ASTN1: variants seen among roughly 807,000 people sequenced by gnomAD.
ASTN1 encodes astrotactin-1.
Under a neutral mutation model 140.7 loss-of-function variants are expected in ASTN1, and 41 were observed. That is an observed-to-expected ratio of 0.29 (90% CI 0.23 to 0.38). The LOEUF is 0.38. Among genes scored for constraint, ASTN1 ranks in the 10% least tolerant of loss-of-function variants. The pLI is 1.00. For missense variants in ASTN1, 1,479 were observed against 1,678.8 expected (o/e 0.88, Z 2.08); for synonymous variants, 640 against 652.2 (o/e 0.98, Z 0.29).
intron 11 of ASTN1, among the ~76,000 whole-genome samples, chr1:176,956,776 A>T (rs1672423888): frequency 1.3e-5 from 2 of 152,242 alleles, no homozygotes; most frequent in Non-Finnish European, 2.9e-5. Context: ...CAAAGGAGCC[A>T]GCAGCTAAAG....
chr1:176,901,774 T>C (rs551213824), intron 16 of ASTN1, among the ~76,000 whole-genome samples: 1 of 151,854 alleles, frequency 6.6e-6, no homozygotes, highest in East Asian at 1.9e-4. Context: ...CACACCTTTC[T>C]TTGGGATTAA....
chr1:177,124,852 A>G (rs1447592939), intron 1 of ASTN1, among the ~76,000 whole-genome samples: 3 of 152,208 alleles, frequency 2.0e-5, no homozygotes, highest in Non-Finnish European at 4.4e-5. Flanking sequence ...TGCAAAGAGA[A>G]AGCATTTTCA....
chr1:176,908,515 A>G (rs1297380422), intron 16 of ASTN1, among the ~76,000 whole-genome samples: 1 of 152,188 alleles, frequency 6.6e-6, no homozygotes, highest in Admixed American at 6.5e-5. Flanking sequence ...CTCAGCTGGC[A>G]AAGATGTCTT....
Position 176,884,816 on chromosome 1 carries a change from G to C in ASTN1, c.3075-326C>G, listed in dbSNP as rs191872699. ...TTTTGGAGTAGTACCATTTTATATG[G>C]CTGGAAAATATCATAATTTCTAGAT... On this transcript the variant is annotated intron_variant, in intron 18 of 22. Coordinates refer to ENST00000361833, the MANE Select transcript of ASTN1 (RefSeq NM_004319.3). 2.0e-5 allele frequency among the ~76,000 whole-genome samples: 3 copies of C among 152,290 alleles called. No individual in the cohort carries two copies. In the East Asian group the frequency reaches 5.8e-4, roughly 29 times the overall value.
chr1:177,089,662 A>G (rs934825111), intron 1 of ASTN1, among the ~76,000 whole-genome samples: 2 of 151,934 alleles, frequency 1.3e-5, no homozygotes, highest in African/African-American at 4.8e-5. Flanking sequence ...CCCCATTCTA[A>G]GGCCTCCTCC....
chr1:177,164,581 C>T lies in ASTN1; in HGVS notation c.96G>A (p.Glu32=). Residue 32 remains glutamate, a synonymous_variant, in exon 1 of 23, where the codon GAG becomes GAA. Transcript: ENST00000361833. ...TAAGDVDPSK[E]LECKLKSITV... ...TGATGCTTTTGAGCTTGCACTCCAG[C>T]TCCTTGGATGGATCCACGTCGCCGG... 3.1e-6 allele frequency: 5 copies of T among 1,613,876 alleles called. No homozygotes were observed. Among genetic ancestry groups the T allele is most frequent in the Non-Finnish European group, 4.2e-6 (5 of 1,179,906 alleles).
At chr1:176,890,609 G>T (rs1160416082) in intron 17 of ASTN1, among the ~76,000 whole-genome samples, 1 of 152,182 alleles carries the variant, frequency 6.6e-6, no homozygotes, top group South Asian at 2.1e-4. Flanking sequence ...TAAAACAGTG[G>T]AGCAACATGA....
chr1:176,865,891 C>T (rs1668114181), intron 22 of ASTN1, among the ~76,000 whole-genome samples: 1 of 152,276 alleles, frequency 6.6e-6, no homozygotes, highest in African/African-American at 2.4e-5. Flanking sequence ...CAAGGAGACT[C>T]CCATTTTTAA....
chr1:176,947,793 A>G (rs1252458288), intron 12 of ASTN1, among the ~76,000 whole-genome samples: 1 of 151,922 alleles, frequency 6.6e-6, no homozygotes, highest in Non-Finnish European at 1.5e-5. Context: ...CCCACTGTAA[A>G]CTCCTTTGAG....
Position 176,999,092 on chromosome 1 carries a change from G to T in ASTN1, c.1523+15699C>A, listed in dbSNP as rs76511057. ...CTTATCAAATAAAAAACTATTGAGGGTCCTGCCATCAGAACTCCTTTTAAA... is the reference window on the plus strand; with the variant it reads ...CTTATCAAATAAAAAACTATTGAGGTTCCTGCCATCAGAACTCCTTTTAAA... On this transcript the variant is annotated intron_variant, in intron 8 of 22. Transcript: ENST00000361833. Among the ~76,000 whole-genome samples the T allele has an allele frequency of 7.3e-3, 1,109 of 152,190 alleles. 11 individuals carry two copies. The highest frequency in any genetic ancestry group is 0.011 in the Non-Finnish European group (736 of 68,016).
At position 176,989,471 on chromosome 1, in the gene ASTN1, C is replaced by T. The variant is rs1674060354; in HGVS notation, c.1524-24234G>A. Among the ~76,000 whole-genome samples, 4 of 152,262 alleles carry T rather than the reference C, an allele frequency of 2.6e-5. No homozygotes were observed. The South Asian group carries it at 8.3e-4, about 32-fold the overall frequency. ...AACAAACAAAACATAAACCTGGCAA[C>T]TCCATTAAACTTTTGCATTCGTATC... On this transcript the variant is annotated intron_variant, in intron 8 of 22. Transcript: ENST00000361833.
intron 17 of ASTN1, among the ~76,000 whole-genome samples, chr1:176,890,535 C>T (rs1295188588): frequency 2.0e-5 from 3 of 152,070 alleles, no homozygotes; most frequent in Non-Finnish European, 4.4e-5. Context: ...AACACAGAAG[C>T]CTTGTGGGTT....
intron 1 of ASTN1, among the ~76,000 whole-genome samples, chr1:177,123,100 G>C (rs971651643): frequency 1.6e-4 from 24 of 152,188 alleles, no homozygotes; most frequent in African/African-American, 4.6e-4. Flanking sequence ...TTGACCACAG[G>C]GTCAGGTGCT....
intron 1 of ASTN1, among the ~76,000 whole-genome samples, chr1:177,159,733 G>T (rs568281066): frequency 1.3e-3 from 189 of 147,632 alleles, no homozygotes; most frequent in African/African-American, 4.6e-3. Context: ...TTCTCTCTGG[G>T]ACTCTCAGTT....
intron 1 of ASTN1, among the ~76,000 whole-genome samples, chr1:177,141,039 A>G (rs1217732684): frequency 6.6e-6 from 1 of 152,056 alleles, no homozygotes; most frequent in Non-Finnish European, 1.5e-5. Flanking sequence ...ACATGGTAAA[A>G]CCCCATCTCT....
chr1:176,907,361 A>G lies in ASTN1; in HGVS notation c.2672-12531T>C, dbSNP rs369854994. ...GGAATATACTCCTTAGGCATTTAAT[A>G]TCATTACTGTTTGGTAAAAAGAAAC... On this transcript the variant is annotated intron_variant, in intron 16 of 22. Transcript: ENST00000361833. Among the ~76,000 whole-genome samples the G allele has an allele frequency of 7.2e-5, 11 of 152,362 alleles. No individual in the cohort carries two copies. The East Asian group carries it at 1.3e-3, about 19-fold the overall frequency.
intron 1 of ASTN1, among the ~76,000 whole-genome samples, chr1:177,111,068 G>A (rs965992260): frequency 2.0e-5 from 3 of 152,180 alleles, no homozygotes; most frequent in South Asian, 2.1e-4. Flanking sequence ...GGGGACAGTG[G>A]CAGGATATTT....
intron 1 of ASTN1, among the ~76,000 whole-genome samples, chr1:177,138,114 A>T (rs1682286728): frequency 1.3e-5 from 2 of 152,148 alleles, no homozygotes; most frequent in African/African-American, 4.8e-5. Context: ...AACTCTCCCT[A>T]GGGGAAAAGG....
At chr1:176,904,082 A>C (rs1255295755) in intron 16 of ASTN1, among the ~76,000 whole-genome samples, 1 of 152,172 alleles carries the variant, frequency 6.6e-6, no homozygotes, top group South Asian at 2.1e-4. Context: ...ATTTGCAAAA[A>C]CAGGTCACAT....
Sources: allele counts gnomAD v4.1 joint callset (sites outside exome capture counted in the v4.1 genomes callset), GRCh38; gene constraint gnomAD v4.1.1; transcripts MANE v1.5; gene names NCBI Gene and HGNC (gene_info 2026-07-23, HGNC 2026-07-21).